PRKN: variants seen among roughly 807,000 people sequenced by gnomAD.
The protein encoded by PRKN is E3 ubiquitin-protein ligase parkin.
A neutral mutation model predicts 59.5 loss-of-function variants in PRKN; 56 were observed. The observed-to-expected ratio is 0.94, with a 90% CI of 0.76 to 1.18. The LOEUF is 1.18. PRKN is among the 50% of genes most tolerant of loss of function. The pLI, the probability that PRKN is intolerant of heterozygous loss-of-function variation, is 0.00. For missense variants in PRKN, 657 were observed against 596.4 expected (o/e 1.10, Z -1.06); for synonymous variants, 250 against 222.1 (o/e 1.13, Z -1.12).
intron 7 of PRKN, among the ~76,000 whole-genome samples, chr6:161,655,379 G>A (rs1019259403): frequency 1.4e-5 from 2 of 145,688 alleles, no homozygotes; most frequent in African/African-American, 5.2e-5. Context: ...CTCATCACCA[G>A]CAAGGTACCC....
chr6:162,727,338 A>AAGGTG (rs1241449324), intron 1 of PRKN: 5 of 378,502 alleles, frequency 1.3e-5, no homozygotes, highest in South Asian at 9.1e-5. Flanking sequence ...CGGCGGGGAG[A>AAGGTG]AGGCTTCGGG....
In PRKN at chr6:161,723,951, C is replaced by T. The variant is rs185071660; in HGVS notation, c.871+61821G>A. ...CCTGTCTCCACCACCCTCTCCACTG[C>T]GCACTCACCTACAGCTCCTTCCACT... On this transcript the variant is annotated intron_variant, in intron 7 of 11. Transcript: ENST00000366898. 1.8e-4 allele frequency among the ~76,000 whole-genome samples: 28 copies of T among 152,326 alleles called. No individual in the cohort carries two copies. The East Asian group carries it at 3.1e-3, about 17-fold the overall frequency.
chr6:162,402,458 A>C (rs1415157389), intron 2 of PRKN, among the ~76,000 whole-genome samples: 1 of 151,936 alleles, frequency 6.6e-6, no homozygotes, highest in East Asian at 1.9e-4. Flanking sequence ...ACGGTAAAAC[A>C]AATGCAGAAG....
chr6:162,259,239 T>C (rs1225846289), intron 3 of PRKN, among the ~76,000 whole-genome samples: 1 of 152,194 alleles, frequency 6.6e-6, no homozygotes, highest in East Asian at 1.9e-4. Context: ...TGGCTTGGTG[T>C]GTTCACCTCT....
intron 4 of PRKN, among the ~76,000 whole-genome samples, chr6:162,120,707 GC>G (rs1280040955): frequency 6.6e-6 from 1 of 152,120 alleles, no homozygotes; most frequent in Non-Finnish European, 1.5e-5. Context: ...ATGTCTCTCT[GC>G]CCCCTGGTGT....
chr6:161,491,792 G>A (rs548993893), intron 9 of PRKN, among the ~76,000 whole-genome samples: 15 of 152,062 alleles, frequency 9.9e-5, no homozygotes, highest in Middle Eastern at 6.8e-3. Flanking sequence ...CACCATGCCC[G>A]ACTAATTTTT....
chr6:162,208,466 G>A (rs990967438), intron 3 of PRKN, among the ~76,000 whole-genome samples: 1 of 152,118 alleles, frequency 6.6e-6, no homozygotes, highest in Non-Finnish European at 1.5e-5. Context: ...TTGACCTACT[G>A]AGGCAAAAAC....
At chr6:162,388,172 C>A (rs1301325280) in intron 2 of PRKN, among the ~76,000 whole-genome samples, 1 of 152,166 alleles carries the variant, frequency 6.6e-6, no homozygotes, top group South Asian at 2.1e-4. Context: ...GGCAATGGAC[C>A]AGGTTTCATT....
At chr6:161,924,322 C>T (rs1778889523) in intron 6 of PRKN, among the ~76,000 whole-genome samples, 1 of 152,156 alleles carries the variant, frequency 6.6e-6, no homozygotes, top group South Asian at 2.1e-4. Context: ...TCCAATGGCC[C>T]AGACTGTGTG....
chr6:161,904,245 GA>G (rs375398017), intron 6 of PRKN, among the ~76,000 whole-genome samples: 112 of 151,028 alleles, frequency 7.4e-4, no homozygotes, highest in African/African-American at 2.2e-3. Flanking sequence ...AGTTTGGGGG[GA>G]AAAAAATAGC....
chr6:161,703,912 G>A, intron 7 of PRKN, among the ~76,000 whole-genome samples: 1 of 125,248 alleles, frequency 8.0e-6, no homozygotes, highest in East Asian at 2.7e-4. Context: ...CTAGAGTGCA[G>A]TGGCACAATC....
intron 1 of PRKN, among the ~76,000 whole-genome samples, chr6:162,496,741 GATTAA>G (rs1391043639): frequency 6.6e-6 from 1 of 152,172 alleles, no homozygotes; most frequent in African/African-American, 2.4e-5. Flanking sequence ...CTGTAGAGAA[GATTAA>G]ATTAGACATA....
At chr6:162,076,029 C>G (rs906167637) in intron 4 of PRKN, among the ~76,000 whole-genome samples, 76 of 145,388 alleles carry the variant, frequency 5.2e-4, no homozygotes, top group African/African-American at 2.0e-3. Context: ...AGAACAGTGG[C>G]ATGACCTCGG....
chr6:161,519,299 T>C (rs1314977628), intron 9 of PRKN, among the ~76,000 whole-genome samples: 2 of 152,120 alleles, frequency 1.3e-5, no homozygotes, highest in African/African-American at 4.8e-5. Flanking sequence ...CCATTTCCCT[T>C]CCTCATCTAG....
At chr6:161,737,476 G>T (rs1268248494) in intron 7 of PRKN, among the ~76,000 whole-genome samples, 1 of 152,166 alleles carries the variant, frequency 6.6e-6, no homozygotes, top group Non-Finnish European at 1.5e-5. Flanking sequence ...ATAAAGTGTG[G>T]ATAGAAATAA....
At chr6:162,296,981 A>G (rs1414792542) in intron 2 of PRKN, among the ~76,000 whole-genome samples, 3 of 152,284 alleles carry the variant, frequency 2.0e-5, no homozygotes, top group South Asian at 2.1e-4. Flanking sequence ...GACGTGTCCA[A>G]TCATACTTCT....
intron 1 of PRKN, among the ~76,000 whole-genome samples, chr6:162,691,707 A>G (rs763552692): frequency 1.3e-5 from 2 of 152,194 alleles, no homozygotes; most frequent in African/African-American, 4.8e-5. Flanking sequence ...CTCATGCACG[A>G]TTCTAATACT....
intron 6 of PRKN, among the ~76,000 whole-genome samples, chr6:161,861,939 C>T (rs143402164): frequency 0.012 from 1,802 of 152,310 alleles, 14 homozygotes; most frequent in Non-Finnish European, 0.019. Flanking sequence ...AAGTCTAACA[C>T]GACTGTGCTT....
chr6:162,170,381 G>T (rs555153301), intron 4 of PRKN, among the ~76,000 whole-genome samples: 1 of 152,048 alleles, frequency 6.6e-6, no homozygotes. Context: ...TTTTTCTTCC[G>T]TTTATTTTCC....
Sources: gnomAD v4.1 joint callset for allele counts (sites outside exome capture counted in the v4.1 genomes callset) on GRCh38, gnomAD v4.1.1 for gene constraint, MANE v1.5 for transcripts, NCBI Gene and HGNC (gene_info 2026-07-23, HGNC 2026-07-21) for gene names.